KCNQ1: variants seen among roughly 807,000 people sequenced by gnomAD.
The protein encoded by KCNQ1 is potassium voltage-gated channel subfamily KQT member 1.
KCNQ1 carries 49 observed loss-of-function variants against 72.4 expected under a neutral mutation model. The ratio of observed to expected loss-of-function variants is 0.68; its 90% CI spans 0.54 to 0.86. The LOEUF is 0.86. Ranked by LOEUF, KCNQ1 falls within the 40% of genes least tolerant of loss-of-function variation. The probability of loss-of-function intolerance (pLI) is 0.00; values close to 1 mark genes in which losing one functional copy is unlikely to be tolerated. For missense variants in KCNQ1, 790 were observed against 945.1 expected (o/e 0.84, Z 2.15); for synonymous variants, 450 against 412.6 (o/e 1.09, Z -1.10).
At position 2,613,820 on chromosome 11, in the gene KCNQ1, G is replaced by A. The variant is rs891494533; in HGVS notation, c.1393+24966G>A. The stretch of plus-strand genomic sequence containing the variant: ...TCCTAATTCCCCCTACCCATTATAG[G>A]TAACCAGTTTCAGTGTTTTCTAGTT... On this transcript the variant is annotated intron_variant, in intron 10 of 15. Coordinates refer to ENST00000155840, the MANE Select transcript of KCNQ1 (RefSeq NM_000218.3). This position sits in a 1 kb window ranked among gnomAD's most constrained non-coding sequence, Gnocchi z 4.8. 5.0e-6 allele frequency: 2 copies of A among 398,224 alleles called. No homozygotes were observed. Among genetic ancestry groups the A allele is most frequent in the Non-Finnish European group, 8.8e-6 (2 of 226,012 alleles). 24.7% of individuals were successfully genotyped at this position (398,224 alleles called of 1,614,324 possible).
intron 5 of KCNQ1, 25 bp from the exon 6 acceptor site, chr11:2,572,821 C>T (rs765684768): frequency 1.5e-5 from 24 of 1,613,370 alleles, no homozygotes; most frequent in Non-Finnish European, 1.9e-5. Context: ...TCCTGGAGCC[C>T]GACACTGTGT....
chr11:2,737,709 C>T (rs1209022634), intron 11 of KCNQ1, among the ~76,000 whole-genome samples: 3 of 152,270 alleles, frequency 2.0e-5, no homozygotes, highest in African/African-American at 2.4e-5. Flanking sequence ...GGTCCGAGCC[C>T]GGCAGGGATA....
chr11:2,450,042 C>T lies in KCNQ1; in HGVS notation c.386+4558C>T, dbSNP rs1008056205. Among the ~76,000 whole-genome samples the T allele has an allele frequency of 1.3e-5, 2 of 152,202 alleles. No homozygotes were observed. Among genetic ancestry groups the T allele is most frequent in the Admixed American group, 1.3e-4 (2 of 15,294 alleles). ...GATGCACACGTCCTGGTCCTGAGCC[C>T]CTGCTCGGCCCTAGGCAGGGCCCCC... is the stretch of plus-strand genomic sequence containing the variant. On this transcript the variant is annotated intron_variant, in intron 1 of 15. Coordinates refer to ENST00000155840, the MANE Select transcript of KCNQ1 (RefSeq NM_000218.3). The surrounding 1 kb of genome is among the most constrained non-coding windows in gnomAD (Gnocchi z 7.9).
At chr11:2,845,558 A>G (rs1181410178) in intron 15 of KCNQ1, among the ~76,000 whole-genome samples, 1 of 152,220 alleles carries the variant, frequency 6.6e-6, no homozygotes, top group East Asian at 1.9e-4. Flanking sequence ...TGGGCCTCAC[A>G]TCAGGTTTAT....
intron 15 of KCNQ1, among the ~76,000 whole-genome samples, chr11:2,838,179 C>G (rs976676471): frequency 2.0e-5 from 3 of 152,244 alleles, no homozygotes; most frequent in Admixed American, 2.0e-4. Context: ...ACCAGGCAGA[C>G]AGAGGTGGGG....
chr11:2,805,426 G>C (rs558908960), intron 15 of KCNQ1, among the ~76,000 whole-genome samples: 14 of 152,256 alleles, frequency 9.2e-5, no homozygotes, highest in Non-Finnish European at 2.1e-4. Flanking sequence ...AGGAAAGCAG[G>C]CAAAGAACTA....
At chr11:2,643,837 A>T (rs971994944) in intron 10 of KCNQ1, 23 of 398,434 alleles carry the variant, frequency 5.8e-5, no homozygotes, top group African/African-American at 4.5e-4. Context: ...TTTCTCCTTC[A>T]TTTCTGACGA....
intron 15 of KCNQ1, among the ~76,000 whole-genome samples, chr11:2,834,575 G>A (rs539723425): frequency 1.3e-4 from 20 of 152,320 alleles, no homozygotes; most frequent in African/African-American, 4.8e-4. Flanking sequence ...CCTGTGAGGT[G>A]CTGAGTTCCC....
In KCNQ1 at chr11:2,588,048, G is replaced by A. The variant is rs1357792607; in HGVS notation, c.1251+356G>A. On this transcript the variant is annotated intron_variant, in intron 9 of 15. Transcript: ENST00000155840. This position sits in a 1 kb window ranked among gnomAD's most constrained non-coding sequence, Gnocchi z 5.6. ...GTGAGCAGTGGGCAGGGGGCCGCGCGCAGTGGGTGGTGGGAGGGGAGCAGC... is the reference window on the plus strand; with the variant it reads ...GTGAGCAGTGGGCAGGGGGCCGCGCACAGTGGGTGGTGGGAGGGGAGCAGC... Among the ~76,000 whole-genome samples the A allele has an allele frequency of 5.9e-5, 9 of 152,012 alleles. No individual in the cohort carries two copies. Among genetic ancestry groups the A allele is most frequent in the East Asian group, 1.9e-4 (1 of 5,186 alleles).
intron 1 of KCNQ1, among the ~76,000 whole-genome samples, chr11:2,472,737 G>A (rs545605119): frequency 0.028 from 4,279 of 152,168 alleles, 134 homozygotes; most frequent in African/African-American, 0.073. Context: ...CCCATTGTCA[G>A]GCTCCTTCCC....
At position 2,645,971 on chromosome 11, in the gene KCNQ1, CTA is replaced by C. The variant is rs1199283062; in HGVS notation, c.1394-15989_1394-15988del. On this transcript the variant is annotated intron_variant, in intron 10 of 15. Transcript: ENST00000155840. The surrounding 1 kb of genome is among the most constrained non-coding windows in gnomAD (Gnocchi z 5.8). The stretch of plus-strand genomic sequence containing the variant: ...ATCTATGGGTCAGGGGGTTCTCTGA[CTA>C]GGATTTCAGGAGTCTGCTGTGGGAA... 1 of 398,506 alleles carries C rather than the reference CTA, an allele frequency of 2.5e-6. No homozygotes were observed. The highest frequency in any genetic ancestry group is 4.4e-6 in the Non-Finnish European group (1 of 226,102). 24.7% of individuals were successfully genotyped at this position (398,506 alleles called of 1,614,324 possible).
chr11:2,730,661 C>G (rs1203577205), intron 11 of KCNQ1, among the ~76,000 whole-genome samples: 2 of 152,202 alleles, frequency 1.3e-5, no homozygotes, highest in East Asian at 1.9e-4. Context: ...GAGGTGAGAC[C>G]TGTATGGCCA....
rs1219222009 is a variant in KCNQ1 at position 2,848,556 on chromosome 11, A to T, written c.*553A>T. 2.2e-6 allele frequency: 1 copy of T among 454,172 alleles called. No individual in the cohort carries two copies. The highest frequency in any genetic ancestry group is 2.0e-5 in the African/African-American group (1 of 50,018). The allele number at this position is 454,172 out of a possible 1,614,324, so 28.1% of individuals were successfully genotyped here. ...CCTCACTCTCAGGAAATGCTGACCC[A>T]TGGGCAGGAGACTGTGGAGACTGCT... is the stretch of plus-strand genomic sequence containing the variant. On this transcript the variant is annotated 3_prime_UTR_variant, in exon 16 of 16. Coordinates refer to ENST00000155840, the MANE Select transcript of KCNQ1 (RefSeq NM_000218.3).
intron 11 of KCNQ1, among the ~76,000 whole-genome samples, chr11:2,740,180 G>A (rs1846028188): frequency 6.6e-6 from 1 of 152,148 alleles, no homozygotes. Flanking sequence ...GATGGGCTGG[G>A]CCTGGCCTCT....
intron 10 of KCNQ1, chr11:2,618,911 A>C: frequency 2.5e-6 from 1 of 398,254 alleles, no homozygotes; most frequent in Non-Finnish European, 4.4e-6. Flanking sequence ...GGCTAAATTT[A>C]TTCCTAAGCA....
At chr11:2,449,703 G>T (rs983883699) in intron 1 of KCNQ1, among the ~76,000 whole-genome samples, 1 of 152,196 alleles carries the variant, frequency 6.6e-6, no homozygotes, top group African/African-American at 2.4e-5. Context: ...CCCACCGAGG[G>T]TGTCAGAGTG....
In KCNQ1 at chr11:2,782,632, G is replaced by A. The variant is rs1416289281; in HGVS notation, c.1794+4595G>A. Among the ~76,000 whole-genome samples the A allele has an allele frequency of 6.6e-6, 1 of 152,122 alleles. No homozygotes were observed. The highest frequency in any genetic ancestry group is 6.5e-5 in the Admixed American group (1 of 15,276). ...CTGATTCAATCGCTCTAATAATTAT[G>A]GACTGTTCAGGTTTTCTATTTCTTC... On this transcript the variant is annotated intron_variant, in intron 15 of 15. Coordinates refer to ENST00000155840, the MANE Select transcript of KCNQ1 (RefSeq NM_000218.3). The surrounding 1 kb of genome is among the most constrained non-coding windows in gnomAD (Gnocchi z 6.1).
In KCNQ1 at chr11:2,720,319, A is replaced by G. The variant is rs568517999; in HGVS notation, c.1515-48525A>G. 1.3e-5 allele frequency among the ~76,000 whole-genome samples: 2 copies of G among 152,250 alleles called. No homozygotes were observed. Among genetic ancestry groups the G allele is most frequent in the Non-Finnish European group, 2.9e-5 (2 of 68,018 alleles). ...AGCTCTCCTCATCCATCCTATGTGT[A>G]CACTCAGGCACGTACTCCCTGGCTC... On this transcript the variant is annotated intron_variant, in intron 11 of 15. Transcript: ENST00000155840. The surrounding 1 kb of genome is among the most constrained non-coding windows in gnomAD (Gnocchi z 5.1).
rs1203457297 is a variant in KCNQ1 at position 2,676,248 on chromosome 11, T to C, written c.1514+14167T>C. The C allele has an allele frequency of 2.5e-6, 1 of 398,562 alleles. No individual in the cohort carries two copies. The highest frequency in any genetic ancestry group is 2.1e-5 in the African/African-American group (1 of 48,652). 24.7% of individuals were successfully genotyped at this position (398,562 alleles called of 1,614,324 possible). A position where few individuals can be genotyped will look rare whatever the true frequency, so the allele number is the denominator to read the frequency against. On this transcript the variant is annotated intron_variant, in intron 11 of 15. Transcript: ENST00000155840. The surrounding 1 kb of genome is among the most constrained non-coding windows in gnomAD (Gnocchi z 4.2). Reference sequence around the variant, plus strand: ...CTGATTTATTATGGTGCAGTACATCTGAGAAGCATTTTTATTGCAAAATGT... The same window carrying C: ...CTGATTTATTATGGTGCAGTACATCCGAGAAGCATTTTTATTGCAAAATGT...
Sources: gnomAD v4.1 joint callset for allele counts (sites outside exome capture counted in the v4.1 genomes callset) on GRCh38, gnomAD v4.1.1 for gene constraint, Gnocchi (gnomAD v3.1) non-coding constraint, MANE v1.5 for transcripts, NCBI Gene and HGNC (gene_info 2026-07-23, HGNC 2026-07-21) for gene names.